The following WFDC6 variants were observed in gnomAD, a reference collection of about 807,000 sequenced individuals.
WFDC6 encodes WAP four-disulfide core domain protein 6.
A neutral mutation model predicts 8.2 loss-of-function variants in WFDC6; 10 were observed. The observed-to-expected ratio is 1.22, with a 90% CI of 0.75 to 2.07. The LOEUF is 2.07. WFDC6 is among the 30% of genes most tolerant of loss of function. The probability of loss-of-function intolerance (pLI) is 0.00; values close to 1 mark genes in which losing one functional copy is unlikely to be tolerated. For missense variants in WFDC6, 105 were observed against 104.9 expected (o/e 1.00, Z 0.00); for synonymous variants, 28 against 37.0 (o/e 0.76, Z 0.88).
In WFDC6 at chr20:45,539,274, A is replaced by C. The variant is rs368237115; in HGVS notation, c.91+43T>G. The C allele has an allele frequency of 3.2e-6, 5 of 1,564,818 alleles. No individual in the cohort carries two copies. The African/African-American group carries it at 5.4e-5, about 17-fold the overall frequency. Reference sequence around the variant, plus strand: ...ATTCTTTGTTCCTTCCTCCCCACTGAGTTTCCTTTCCCCATTGCAAGGACG... The same window carrying C: ...ATTCTTTGTTCCTTCCTCCCCACTGCGTTTCCTTTCCCCATTGCAAGGACG... On this transcript the variant is annotated intron_variant, in intron 1 of 2. Coordinates refer to ENST00000372670, the MANE Select transcript of WFDC6 (RefSeq NM_080827.2).
At chr20:45,536,664 C>G (rs1393151587) in intron 2 of WFDC6, 1 of 152,222 alleles carries the variant, frequency 6.6e-6, no homozygotes, top group Non-Finnish European at 1.5e-5. Flanking sequence ...TCATCTTCCT[C>G]TCTTTTTAAA....
intron 1 of WFDC6, among the ~76,000 whole-genome samples, chr20:45,538,589 C>T (rs1436058396): frequency 6.6e-6 from 1 of 152,176 alleles, no homozygotes; most frequent in African/African-American, 2.4e-5. Context: ...CGTCAAACTG[C>T]CTGGGGCAAT....
At position 45,534,563 on chromosome 20, in the gene WFDC6, A is replaced by C. The variant is rs1418794487; in HGVS notation, c.223-58T>G. 7 of 1,586,630 alleles carry C rather than the reference A, an allele frequency of 4.4e-6. No individual in the cohort carries two copies. The Admixed American group carries it at 1.2e-4, about 27-fold the overall frequency. On this transcript the variant is annotated intron_variant, in intron 2 of 2. Transcript: ENST00000372670. ...TGGACCCTGACCACATTAGGAACCA[A>C]ATCTTGCACCTAATGGGAAAAAGGA...
At chr20:45,535,465 AGT>A in intron 2 of WFDC6, 1 of 1,013,684 alleles carries the variant, frequency 9.9e-7, no homozygotes, top group Non-Finnish European at 1.3e-6. Context: ...TTCCCAATTC[AGT>A]GTGAACCCTG....
Position 45,539,325 on chromosome 20 carries a change from A to T in WFDC6, c.83T>A (p.Ile28Asn). ...GAGTTCCCAATACTTACTGCCAAGG[A>T]TGCCTTCAGCGTGCCCAGGTTCCTG... The part of the protein sequence containing the change: ...DIQEPGHAEG[I>N]LGKPCPKIKV... Residue 28 changes from isoleucine (I) to asparagine (N), a missense_variant, in exon 1 of 3, where the codon ATC becomes AAC. Transcript: ENST00000372670. 6.2e-7 allele frequency: 1 copy of T among 1,613,852 alleles called. No homozygotes were observed. The highest frequency in any genetic ancestry group is 1.1e-5 in the South Asian group (1 of 91,076).
rs148135606 is a variant in WFDC6 at position 45,537,986 on chromosome 20, T to C, written c.200A>G (p.Lys67Arg). ...NMKCCPFSRG[K>R]KCLDFRKVSL... ...TACCTTTCTGAAGTCTAAACATTTCTTTCCACGGCTGAACGGGCAACACTT... is the reference window on the plus strand; with the variant it reads ...TACCTTTCTGAAGTCTAAACATTTCCTTCCACGGCTGAACGGGCAACACTT... Residue 67 changes from lysine (K) to arginine (R), a missense_variant, in exon 2 of 3, where the codon AAG becomes AGG. Transcript: ENST00000372670. The C allele has an allele frequency of 6.8e-5, 109 of 1,614,034 alleles. No individual in the cohort carries two copies. The African/African-American group carries it at 1.3e-3, about 19-fold the overall frequency.
At chr20:45,539,264 C>T (rs1042451371) in intron 1 of WFDC6, 53 bp downstream of exon 1, 5 of 1,532,268 alleles carry the variant, frequency 3.3e-6, no homozygotes, top group African/African-American at 2.7e-5. Context: ...TTGTTCCTTC[C>T]TCCCCACTGA....
chr20:45,537,883 G>A (rs4812908), intron 2 of WFDC6, 81 bp downstream of exon 2: 26,311 of 1,602,048 alleles, frequency 0.016, 1,049 homozygotes, highest in Admixed American at 0.11. Context: ...AGCCATCAGT[G>A]AACTAGGAGA....
chr20:45,539,397 G>C lies in WFDC6; in HGVS notation c.11C>G (p.Ser4Ter), dbSNP rs553341164. 3.1e-6 allele frequency: 5 copies of C among 1,613,798 alleles called. No homozygotes were observed. The highest frequency in any genetic ancestry group is 4.2e-6 in the Non-Finnish European group (5 of 1,179,790). MGL[S>*]GLLPILVPFI... ...TGGTACCAGGATTGGCAGAAGTCCT[G>C]AGAGTCCCATTTTAGGAAGTACTGG... The change falls in exon 1 of 3, where the codon TCA becomes TGA. Residue 4 changes from serine (S) to a stop codon, truncating the protein, a stop_gained. Coordinates refer to ENST00000372670, the MANE Select transcript of WFDC6 (RefSeq NM_080827.2). LOFTEE classifies it high-confidence loss of function.
chr20:45,537,542 C>T lies in WFDC6; in HGVS notation c.222+422G>A, dbSNP rs1252978278. On this transcript the variant is annotated intron_variant, in intron 2 of 2. Transcript: ENST00000372670. The stretch of plus-strand genomic sequence containing the variant: ...GGAAGGCATCCTGGATTTATGTAGA[C>T]AGAGAGGCCTAGAGAAAAAAGCCAG... 5.2e-6 allele frequency: 8 copies of T among 1,549,882 alleles called. No individual in the cohort carries two copies. The African/African-American group carries it at 6.9e-5, about 13-fold the overall frequency.
intron 2 of WFDC6, chr20:45,535,343 G>A (rs548434289): frequency 1.8e-4 from 228 of 1,294,346 alleles, no homozygotes; most frequent in Admixed American, 3.1e-4. Flanking sequence ...CAGGGAGATC[G>A]CAGAATAGAG....
chr20:45,538,060 C>T lies in WFDC6; in HGVS notation c.126G>A (p.Val42=), dbSNP rs1240975632. ...PCPKIKVECE[V]EEIDQCTKPR... ...GTTTGGTACACTGGTCTATTTCTTC[C>T]ACTTCGCATTCCACTTTGATTTTGG... Residue 42 remains valine, a synonymous_variant, in exon 2 of 3, where the codon GTG becomes GTA. Transcript: ENST00000372670. The T allele has an allele frequency of 1.2e-6, 2 of 1,613,832 alleles. No individual in the cohort carries two copies. Among genetic ancestry groups the T allele is most frequent in the African/African-American group, 2.7e-5 (2 of 74,894 alleles).
rs778717442 is a variant in WFDC6 at position 45,538,070 on chromosome 20, T to C, written c.116A>G (p.Glu39Gly). 1 of 1,613,936 alleles carries C rather than the reference T, an allele frequency of 6.2e-7. No individual in the cohort carries two copies. The highest frequency in any genetic ancestry group is 8.5e-7 in the Non-Finnish European group (1 of 1,179,904). The stretch of plus-strand genomic sequence containing the variant: ...CTGGTCTATTTCTTCCACTTCGCAT[T>C]CCACTTTGATTTTGGGACACGGCTC... ...LGKPCPKIKV[E>G]CEVEEIDQCT... The change falls in exon 2 of 3, where the codon GAA becomes GGA. Residue 39 changes from glutamate to glycine, a missense_variant. Glu to Gly is a moderately conservative substitution (Grantham distance 98, BLOSUM62 -2). Transcript: ENST00000372670.
chr20:45,538,230 G>T, intron 1 of WFDC6, 136 bp from the exon 2 acceptor site: 12 of 1,477,194 alleles, frequency 8.1e-6, no homozygotes, highest in Non-Finnish European at 1.0e-5. Flanking sequence ...TGGCCCTCAG[G>T]GGGCTCAGGA....
intron 1 of WFDC6, 44 bp from the exon 2 acceptor site, chr20:45,538,138 C>G: frequency 1.2e-6 from 2 of 1,612,554 alleles, no homozygotes; most frequent in Non-Finnish European, 1.7e-6. Flanking sequence ...TTAAAGGAGC[C>G]AGTGCTCCCC....
chr20:45,538,989 G>T (rs1395106708), intron 1 of WFDC6, among the ~76,000 whole-genome samples: 1 of 152,142 alleles, frequency 6.6e-6, no homozygotes, highest in African/African-American at 2.4e-5. Context: ...TGACACAGGT[G>T]GTGTTGTGGG....
intron 2 of WFDC6, chr20:45,537,273 G>T (rs1039217015): frequency 4.7e-5 from 25 of 528,068 alleles, no homozygotes; most frequent in African/African-American, 7.6e-5. Context: ...GGCCTGAAAG[G>T]CTATTTCTTC....
intron 2 of WFDC6, chr20:45,537,591 T>C: frequency 2.0e-6 from 3 of 1,537,030 alleles, no homozygotes; most frequent in Non-Finnish European, 2.6e-6. Flanking sequence ...TATACCTGTC[T>C]CTTATAGCTA....
intron 2 of WFDC6, among the ~76,000 whole-genome samples, chr20:45,535,954 C>T (rs1199160521): frequency 6.6e-6 from 1 of 152,208 alleles, no homozygotes; most frequent in Non-Finnish European, 1.5e-5. Flanking sequence ...TTGCACATGC[C>T]TGACATATCC....
Sources: allele counts gnomAD v4.1 joint callset (sites outside exome capture counted in the v4.1 genomes callset), GRCh38; gene constraint gnomAD v4.1.1; transcripts MANE v1.5; gene names NCBI Gene and HGNC (gene_info 2026-07-23, HGNC 2026-07-21).